The following SETX variants were observed in gnomAD, a reference collection of about 807,000 sequenced individuals.
SETX encodes senataxin.
SETX carries 90 observed loss-of-function variants against 227.2 expected under a neutral mutation model. The ratio of observed to expected loss-of-function variants is 0.40; its 90% CI spans 0.33 to 0.47. The LOEUF is 0.47. SETX is among the 20% of genes least tolerant of loss of function. The pLI is 0.91. For missense variants in SETX, 3,052 were observed against 3,181.5 expected, an observed-to-expected ratio of 0.96 and a Z score of 0.98; for synonymous variants, 1,210 against 1,113.2, an observed-to-expected ratio of 1.09 and a Z score of -1.73.
chr9:132,305,808 T>C (rs1311597968), intron 11 of SETX, among the ~76,000 whole-genome samples: 1 of 152,186 alleles, frequency 6.6e-6, no homozygotes, highest in Non-Finnish European at 1.5e-5. Flanking sequence ...TTTGTGATTC[T>C]AGATTGGACC....
At chr9:132,334,060 A>C (rs1027468059) in intron 7 of SETX, among the ~76,000 whole-genome samples, 1 of 152,216 alleles carries the variant, frequency 6.6e-6, no homozygotes, top group African/African-American at 2.4e-5. Context: ...GGTCTCCCAG[A>C]GGTTCTGATG....
rs13294324 is a variant in SETX at position 132,342,941 on chromosome 9, G to T, written c.389-142C>A. On this transcript the variant is annotated intron_variant, in intron 4 of 25. Transcript: ENST00000224140. ...ATTGAGGCATAAAAATGCTTATATT[G>T]TAAATGCAGGAACAATATTTACCTG... The T allele has an allele frequency of 0.1, 70,326 of 679,716 alleles. 4,236 individuals are homozygous for T. Among genetic ancestry groups the T allele is most frequent in the Middle Eastern group, 0.17 (430 of 2,548 alleles). The allele number at this position is 679,716 out of a possible 1,614,324, so 42.1% of individuals were successfully genotyped here.
chr9:132,338,779 GAA>G (rs1029196324), intron 5 of SETX, among the ~76,000 whole-genome samples: 10 of 151,860 alleles, frequency 6.6e-5, no homozygotes, highest in African/African-American at 2.4e-4. Context: ...ATTTTTTTGA[GAA>G]AGAGTCTCAC....
At chr9:132,305,021 A>C (rs915492985) in intron 11 of SETX, among the ~76,000 whole-genome samples, 1 of 151,576 alleles carries the variant, frequency 6.6e-6, no homozygotes, top group African/African-American at 2.4e-5. Flanking sequence ...AAGAATACTG[A>C]ATTAAACATA....
chr9:132,288,145 C>T, intron 17 of SETX, 91 bp downstream of exon 17: 1 of 1,033,762 alleles, frequency 9.7e-7, no homozygotes, highest in Non-Finnish European at 1.5e-6. Flanking sequence ...TACTGCACTC[C>T]AGCCTGGAAG....
intron 23 of SETX, among the ~76,000 whole-genome samples, chr9:132,272,083 T>C (rs1842932422): frequency 6.6e-6 from 1 of 151,894 alleles, no homozygotes; most frequent in Non-Finnish European, 1.5e-5. Context: ...TGGGTTTCAC[T>C]GTGGTCTCCA....
At chr9:132,334,546 T>C in intron 7 of SETX, 62 bp downstream of exon 7, 1 of 1,582,438 alleles carries the variant, frequency 6.3e-7, no homozygotes, top group South Asian at 1.1e-5. Context: ...AGTGACACTA[T>C]CATTTTTAAA....
intron 11 of SETX, among the ~76,000 whole-genome samples, chr9:132,304,506 CAA>C (rs1469473867): frequency 7.8e-6 from 1 of 127,430 alleles, no homozygotes. Context: ...GTAAAGATTA[CAA>C]AAAAAAAAAG....
intron 11 of SETX, among the ~76,000 whole-genome samples, chr9:132,302,224 G>A (rs910621285): frequency 2.0e-5 from 3 of 151,788 alleles, no homozygotes; most frequent in African/African-American, 7.3e-5. Context: ...GGGCATGGTG[G>A]CAGGCATCTG....
chr9:132,275,531 AG>A, intron 22 of SETX, 111 bp from the exon 23 acceptor site: 1 of 882,142 alleles, frequency 1.1e-6, no homozygotes, highest in South Asian at 1.6e-5. Context: ...GCAGGCAGAT[AG>A]GCTTCATCTT....
At chr9:132,275,957 GAAC>G (rs1273176711) in intron 22 of SETX, among the ~76,000 whole-genome samples, 2 of 152,070 alleles carry the variant, frequency 1.3e-5, no homozygotes, top group African/African-American at 4.8e-5. Context: ...GACCCCAGTT[GAAC>G]AACATGGGGC....
chr9:132,272,891 C>T (rs2131154541), intron 23 of SETX, among the ~76,000 whole-genome samples: 1 of 152,204 alleles, frequency 6.6e-6, no homozygotes, highest in East Asian at 1.9e-4. Flanking sequence ...GGTGGCAGCG[C>T]TCCCCAAATT....
chr9:132,336,029 G>A (rs894577200), intron 6 of SETX, among the ~76,000 whole-genome samples: 8 of 152,160 alleles, frequency 5.3e-5, no homozygotes, highest in Non-Finnish European at 1.2e-4. Flanking sequence ...ATCACTTGAT[G>A]TCAGGAGTTC....
In SETX at chr9:132,312,767, T is replaced by C. The variant is rs143391200; in HGVS notation, c.5275-911A>G. 2.6e-3 allele frequency among the ~76,000 whole-genome samples: 390 copies of C among 152,340 alleles called. 1 individual carries two copies. The highest frequency in any genetic ancestry group is 9.2e-3 in the African/African-American group (381 of 41,582). ...AATACCCTACAGTAAGGCAACTCCA[T>C]AGAATCATCATCAAAAGTGCATTTT... On this transcript the variant is annotated intron_variant, in intron 10 of 25. Transcript: ENST00000224140.
At chr9:132,294,522 G>A (rs1046041129) in intron 15 of SETX, among the ~76,000 whole-genome samples, 2 of 152,324 alleles carry the variant, frequency 1.3e-5, no homozygotes, top group South Asian at 4.1e-4. Flanking sequence ...TATGTTTTAA[G>A]AGCAAATGAA....
chr9:132,270,914 G>A (rs978894197), intron 24 of SETX, among the ~76,000 whole-genome samples: 2 of 152,226 alleles, frequency 1.3e-5, no homozygotes, highest in African/African-American at 4.8e-5. Context: ...ACTGGGCTCT[G>A]TATATGCAGC....
intron 5 of SETX, among the ~76,000 whole-genome samples, chr9:132,340,316 A>G (rs1261681865): frequency 6.6e-6 from 1 of 152,078 alleles, no homozygotes; most frequent in Non-Finnish European, 1.5e-5. Flanking sequence ...TATTTCTTCT[A>G]GCATGTTTAC....
At chr9:132,349,625 C>A (rs530929325) in intron 2 of SETX, among the ~76,000 whole-genome samples, 190 bp from the exon 3 acceptor site, 1 of 152,008 alleles carries the variant, frequency 6.6e-6, no homozygotes, top group African/African-American at 2.4e-5. Context: ...TTTTGACATA[C>A]GAAAAATACA....
chr9:132,302,717 A>C (rs1307471268), intron 11 of SETX, among the ~76,000 whole-genome samples: 1 of 151,032 alleles, frequency 6.6e-6, no homozygotes, highest in Non-Finnish European at 1.5e-5. Context: ...CATTTTTATA[A>C]ATGTTGACAA....
Sources: allele counts gnomAD v4.1 joint callset (sites outside exome capture counted in the v4.1 genomes callset), GRCh38; gene constraint gnomAD v4.1.1; transcripts MANE v1.5; gene names NCBI Gene and HGNC (gene_info 2026-07-23, HGNC 2026-07-21).